LRRC8C: variants seen among roughly 807,000 people sequenced by gnomAD.
The protein encoded by LRRC8C is volume-regulated anion channel subunit LRRC8C.
A neutral mutation model predicts 55.3 loss-of-function variants in LRRC8C; 20 were observed. The observed-to-expected ratio is 0.36, with a 90% CI of 0.25 to 0.53. LRRC8C has a LOEUF of 0.53. Among genes scored for constraint, LRRC8C ranks in the 20% least tolerant of loss-of-function variants. The pLI, the probability that LRRC8C is intolerant of heterozygous loss-of-function variation, is 0.92. For missense variants in LRRC8C, 659 were observed against 951.4 expected (o/e 0.69, Z 4.04); for synonymous variants, 376 against 360.7 (o/e 1.04, Z -0.48).
At chr1:89,671,577 C>G (rs776922193) in intron 1 of LRRC8C, among the ~76,000 whole-genome samples, 1 of 152,140 alleles carries the variant, frequency 6.6e-6, no homozygotes, top group South Asian at 2.1e-4. Context: ...TTGAGCAGCC[C>G]ATGACCGGTG....
chr1:89,656,326 C>T (rs138932473), intron 1 of LRRC8C, among the ~76,000 whole-genome samples: 1 of 152,334 alleles, frequency 6.6e-6, no homozygotes, highest in East Asian at 1.9e-4. Flanking sequence ...TCCACATCAT[C>T]GGGTCTAACT....
chr1:89,698,685 CT>C (rs1658237395), intron 2 of LRRC8C, among the ~76,000 whole-genome samples: 1 of 151,970 alleles, frequency 6.6e-6, no homozygotes, highest in South Asian at 2.1e-4. Context: ...TCTTCAATCC[CT>C]TGGATTTTTT....
At chr1:89,660,602 A>C (rs895070467) in intron 1 of LRRC8C, among the ~76,000 whole-genome samples, 1 of 152,200 alleles carries the variant, frequency 6.6e-6, no homozygotes, top group Middle Eastern at 3.2e-3. Flanking sequence ...TTTTCCAATC[A>C]GAAGTTATTA....
intron 1 of LRRC8C, among the ~76,000 whole-genome samples, chr1:89,635,314 A>G (rs113207560): frequency 0.027 from 4,124 of 152,288 alleles, 191 homozygotes; most frequent in African/African-American, 0.095. Flanking sequence ...CTAAGTTTAA[A>G]ATGAAATGAG....
At chr1:89,665,700 A>AT (rs999007760) in intron 1 of LRRC8C, among the ~76,000 whole-genome samples, 4 of 151,934 alleles carry the variant, frequency 2.6e-5, no homozygotes, top group African/African-American at 9.7e-5. Context: ...AGAAAGAAAA[A>AT]TTTTTTTTAT....
At chr1:89,655,820 A>G (rs2101203452) in intron 1 of LRRC8C, among the ~76,000 whole-genome samples, 1 of 152,302 alleles carries the variant, frequency 6.6e-6, no homozygotes, top group Non-Finnish European at 1.5e-5. Flanking sequence ...GAAGATGATT[A>G]ATACTAAGCC....
In LRRC8C at chr1:89,717,033, T is replaced by C. The variant is rs530680981; in HGVS notation, c.*2051T>C. Reference sequence around the variant, plus strand: ...TAATTTAGACCTGGAATTGAAATAATGTGCTCAGAATAATAACATGGTTAT... The same window carrying C: ...TAATTTAGACCTGGAATTGAAATAACGTGCTCAGAATAATAACATGGTTAT... On this transcript the variant is annotated 3_prime_UTR_variant, in exon 3 of 3. Transcript: ENST00000370454. The C allele has an allele frequency of 6.6e-6, 1 of 152,298 alleles. No homozygotes were observed. Among genetic ancestry groups the C allele is most frequent in the East Asian group, 1.9e-4 (1 of 5,186 alleles). 9.4% of individuals were successfully genotyped at this position (152,298 alleles called of 1,614,324 possible).
intron 1 of LRRC8C, among the ~76,000 whole-genome samples, chr1:89,676,073 A>G (rs1419965242): frequency 6.6e-6 from 1 of 152,266 alleles, no homozygotes; most frequent in Non-Finnish European, 1.5e-5. Flanking sequence ...TATTAGTATC[A>G]TATACATATA....
At chr1:89,704,877 GATCTAGAACTAGA>G (rs1450136084) in intron 2 of LRRC8C, among the ~76,000 whole-genome samples, 5 of 152,102 alleles carry the variant, frequency 3.3e-5, no homozygotes, top group Non-Finnish European at 7.4e-5. Context: ...ATTCCTCAGG[GATCTAGAACTAGA>G]AATACCATTT....
chr1:89,714,882 T>C lies in LRRC8C; in HGVS notation c.2312T>C (p.Leu771Pro). The change falls in exon 3 of 3, where the codon CTG becomes CCG. Residue 771 changes from leucine (L) to proline (P), a missense_variant. By Grantham distance (98) the Leu-to-Pro change is moderately conservative. Coordinates refer to ENST00000370454, the MANE Select transcript of LRRC8C (RefSeq NM_032270.5). This position sits in a 1 kb window ranked among gnomAD's most constrained non-coding sequence, Gnocchi z 4.6. ...CACTTTGAAATCCTCCCTCCTGAAC[T>C]GGGTGACTGTCGGGCTCTGAAGCGA... ...GNHFEILPPE[L>P]GDCRALKRAG... 1 of 1,614,150 alleles carries C rather than the reference T, an allele frequency of 6.2e-7. No individual in the cohort carries two copies. The highest frequency in any genetic ancestry group is 8.5e-7 in the Non-Finnish European group (1 of 1,179,998).
chr1:89,629,885 G>C (rs1295553231), upstream of LRRC8C: 1 of 152,304 alleles, frequency 6.6e-6, no homozygotes, highest in Non-Finnish European at 1.5e-5. Context: ...CAGGCCAGGC[G>C]TGGTGGCTCA....
chr1:89,699,033 T>C (rs1018306965), intron 2 of LRRC8C, among the ~76,000 whole-genome samples: 5 of 152,076 alleles, frequency 3.3e-5, no homozygotes, highest in Non-Finnish European at 7.4e-5. Context: ...TGGAATGCTA[T>C]ATAGTGCTAA....
rs1658884564 is a variant in LRRC8C, at chr1:89,718,403, AG to A, written c.*3422del. The A allele has an allele frequency of 6.6e-6, 1 of 152,168 alleles. No homozygotes were observed. Among genetic ancestry groups the A allele is most frequent in the Non-Finnish European group, 1.5e-5 (1 of 68,016 alleles). The allele number at this position is 152,168 out of a possible 1,614,324, so 9.4% of individuals were successfully genotyped here. On this transcript the variant is annotated 3_prime_UTR_variant, in exon 3 of 3. Coordinates refer to ENST00000370454, the MANE Select transcript of LRRC8C (RefSeq NM_032270.5). ...ATCTTCCTTGTATTTACTTGGGTTA[AG>A]TGAAGTCCAAATTCTTACAGTATGC...
chr1:89,641,602 G>A (rs1348199738), intron 1 of LRRC8C, among the ~76,000 whole-genome samples: 2 of 151,988 alleles, frequency 1.3e-5, no homozygotes, highest in African/African-American at 2.4e-5. Context: ...TTGCAGGTCT[G>A]TCTTGGTCAA....
At chr1:89,680,168 C>G (rs1488861062) in intron 1 of LRRC8C, among the ~76,000 whole-genome samples, 1 of 151,424 alleles carries the variant, frequency 6.6e-6, no homozygotes. Context: ...AGCTCCACCT[C>G]CTGGGTTCAC....
At chr1:89,711,604 G>A (rs914184417) in intron 2 of LRRC8C, among the ~76,000 whole-genome samples, 6 of 152,078 alleles carry the variant, frequency 3.9e-5, no homozygotes, top group South Asian at 2.1e-4. Context: ...AAGATGATTC[G>A]TCTAGGTTTA....
At position 89,649,563 on chromosome 1, in the gene LRRC8C, A is replaced by G. The variant is rs369347285; in HGVS notation, c.-5+16241A>G. 3.5e-4 allele frequency among the ~76,000 whole-genome samples: 53 copies of G among 152,264 alleles called. No homozygotes were observed. In the East Asian group the frequency reaches 3.9e-3, roughly 11 times the overall value. On this transcript the variant is annotated intron_variant, in intron 1 of 2. Coordinates refer to ENST00000370454, the MANE Select transcript of LRRC8C (RefSeq NM_032270.5). The stretch of plus-strand genomic sequence containing the variant: ...CTTATTCTAGATATAAATAACTGCT[A>G]TTAGTTTCTGTCTAGAAAATGTGAA...
chr1:89,712,600 G>A, intron 2 of LRRC8C, 109 bp from the exon 3 acceptor site: 1 of 729,070 alleles, frequency 1.4e-6, no homozygotes, highest in South Asian at 1.9e-5. Flanking sequence ...TATTCTCCAG[G>A]CAGAGGAAAT....
chr1:89,657,372 C>G (rs4658308), intron 1 of LRRC8C, among the ~76,000 whole-genome samples: 91,918 of 151,954 alleles, frequency 0.6, 28,475 homozygotes, highest in East Asian at 0.8. Context: ...TCCTAAATAG[C>G]AACATATCCT....
Sources: gnomAD v4.1 joint callset for allele counts (sites outside exome capture counted in the v4.1 genomes callset) on GRCh38, gnomAD v4.1.1 for gene constraint, Gnocchi (gnomAD v3.1) non-coding constraint, MANE v1.5 for transcripts, NCBI Gene and HGNC (gene_info 2026-07-23, HGNC 2026-07-21) for gene names.